Variants in RARB observed in about 807,000 individuals in gnomAD.
RARB encodes the protein HBV-activated protein.
A neutral mutation model predicts 51.9 loss-of-function variants in RARB; 17 were observed. The observed-to-expected ratio is 0.33, with a 90% CI of 0.22 to 0.49. The LOEUF is 0.49. Among genes scored for constraint, RARB ranks in the 20% least tolerant of loss-of-function variants. The pLI is 0.99. For missense variants in RARB, 369 were observed against 550.8 expected (o/e 0.67, Z 3.30); for synonymous variants, 215 against 195.4 (o/e 1.10, Z -0.84).
chr3:25,247,990 A>G (rs1702609852), intron 5 of RARB, among the ~76,000 whole-genome samples: 1 of 152,106 alleles, frequency 6.6e-6, no homozygotes, highest in Non-Finnish European at 1.5e-5. Context: ...GAAGTCCCCA[A>G]CTATTATTGT....
chr3:25,391,512 G>T (rs1575365992), intron 5 of RARB, among the ~76,000 whole-genome samples: 1 of 152,068 alleles, frequency 6.6e-6, no homozygotes, highest in Non-Finnish European at 1.5e-5. Context: ...ATTCCCAATA[G>T]CAGTGCAAAA....
At chr3:25,477,012 T>C (rs1695984892) in intron 2 of RARB, among the ~76,000 whole-genome samples, 2 of 152,156 alleles carry the variant, frequency 1.3e-5, no homozygotes, top group African/African-American at 4.8e-5. Context: ...ATAAATAGTA[T>C]GTAGAAGAGG....
At chr3:25,398,966 T>C (rs1037011117) in intron 5 of RARB, among the ~76,000 whole-genome samples, 2 of 152,180 alleles carry the variant, frequency 1.3e-5, no homozygotes, top group African/African-American at 4.8e-5. Context: ...ATAAGGAATG[T>C]GAAGTTAATA....
chr3:25,146,747 C>G (rs1700200213), intron 4 of RARB, among the ~76,000 whole-genome samples: 1 of 152,014 alleles, frequency 6.6e-6, no homozygotes, highest in Non-Finnish European at 1.5e-5. Context: ...TCTCGATCTC[C>G]TGACCTCATG....
chr3:25,091,734 C>T (rs1055188596), intron 3 of RARB, among the ~76,000 whole-genome samples: 1 of 152,074 alleles, frequency 6.6e-6, no homozygotes, highest in Non-Finnish European at 1.5e-5. Flanking sequence ...GAAATGTGAA[C>T]ATCTGTATAA....
chr3:25,412,569 T>G (rs1269337652), intron 5 of RARB, among the ~76,000 whole-genome samples: 1 of 152,234 alleles, frequency 6.6e-6, no homozygotes, highest in Non-Finnish European at 1.5e-5. Flanking sequence ...CTTGTTTGTT[T>G]GTTTTAAATC....
At chr3:25,557,102 CCTT>C (rs1469467610) in intron 3 of RARB, among the ~76,000 whole-genome samples, 1 of 150,684 alleles carries the variant, frequency 6.6e-6, no homozygotes, top group African/African-American at 2.5e-5. Context: ...AAGAAGTTCT[CCTT>C]CTTTGTGTTT....
chr3:25,332,593 G>A (rs566562239), intron 5 of RARB, among the ~76,000 whole-genome samples: 11 of 152,260 alleles, frequency 7.2e-5, no homozygotes, highest in Non-Finnish European at 1.0e-4. Context: ...AAAACTGGAA[G>A]CATTCCCTTT....
chr3:24,970,602 C>A (rs1363241805), intron 2 of RARB, among the ~76,000 whole-genome samples: 1 of 147,320 alleles, frequency 6.8e-6, no homozygotes, highest in Admixed American at 6.7e-5. Flanking sequence ...CACACACACA[C>A]ACAAACACAC....
At chr3:25,138,002 G>C (rs1214513395) in intron 4 of RARB, among the ~76,000 whole-genome samples, 1 of 152,114 alleles carries the variant, frequency 6.6e-6, no homozygotes, top group Non-Finnish European at 1.5e-5. Flanking sequence ...TCAAATTTGA[G>C]ATCTCATTCA....
chr3:24,963,019 T>C (rs1420000524), intron 2 of RARB, among the ~76,000 whole-genome samples: 1 of 152,194 alleles, frequency 6.6e-6, no homozygotes, highest in Non-Finnish European at 1.5e-5. Context: ...CTTAACTGTT[T>C]ATTCCTTTTT....
intron 4 of RARB, among the ~76,000 whole-genome samples, chr3:25,147,544 T>C (rs530179707): frequency 6.6e-6 from 1 of 152,314 alleles, no homozygotes; most frequent in African/African-American, 2.4e-5. Flanking sequence ...GAATTCCAGT[T>C]TTGAATGAAA....
intron 2 of RARB, among the ~76,000 whole-genome samples, chr3:24,947,405 A>G (rs2125403781): frequency 6.6e-6 from 1 of 152,338 alleles, no homozygotes; most frequent in Non-Finnish European, 1.5e-5. Context: ...GGTAATTCAC[A>G]AGATTAAATT....
At chr3:25,106,035 C>G (rs779250789) in intron 3 of RARB, among the ~76,000 whole-genome samples, 5 of 152,154 alleles carry the variant, frequency 3.3e-5, no homozygotes, top group Non-Finnish European at 5.9e-5. Flanking sequence ...AGAATGACAA[C>G]AGTGGAAAGA....
chr3:24,969,395 AAATAAT>A (rs1381023993), intron 2 of RARB, among the ~76,000 whole-genome samples: 6 of 152,134 alleles, frequency 3.9e-5, no homozygotes, highest in Non-Finnish European at 8.8e-5. Context: ...TATTGTTGTT[AAATAAT>A]AGTAATGATG....
chr3:24,889,108 C>T (rs1703322541), intron 2 of RARB, among the ~76,000 whole-genome samples: 1 of 152,228 alleles, frequency 6.6e-6, no homozygotes. Flanking sequence ...GGACTCACTA[C>T]ATATGGATCC....
intron 4 of RARB, 63 bp downstream of exon 4, chr3:25,569,981 GACACACACACACACACACACACACAC>G (rs56255512): frequency 2.8e-6 from 3 of 1,068,362 alleles, no homozygotes; most frequent in Non-Finnish European, 3.9e-6. Context: ...CATGTGTGCA[GACACACACACACACACACACACACAC>G]ACACACACAC....
At chr3:25,505,791 G>A (rs1192193996) in intron 3 of RARB, among the ~76,000 whole-genome samples, 1 of 152,126 alleles carries the variant, frequency 6.6e-6, no homozygotes, top group Admixed American at 6.5e-5. Context: ...GGTGGCGTGG[G>A]AGGTTTGTAA....
chr3:24,913,284 G>C (rs183205347), intron 2 of RARB, among the ~76,000 whole-genome samples: 2 of 151,786 alleles, frequency 1.3e-5, no homozygotes, highest in East Asian at 3.9e-4. Context: ...GCGCCCAGCC[G>C]GTACTGTTCT....
Sources: gnomAD v4.1 joint callset for allele counts (sites outside exome capture counted in the v4.1 genomes callset) on GRCh38, gnomAD v4.1.1 for gene constraint, MANE v1.5 for transcripts, NCBI Gene and HGNC (gene_info 2026-07-23, HGNC 2026-07-21) for gene names.